The following TEX2 variants were observed in gnomAD, a reference collection of about 807,000 sequenced individuals.
The protein encoded by TEX2 is testis expressed 2, also known as testis-expressed protein 2.
Under a neutral mutation model 106.9 loss-of-function variants are expected in TEX2, and 53 were observed. The ratio of observed to expected loss-of-function variants is 0.50; its 90% CI spans 0.40 to 0.62. TEX2 has a LOEUF of 0.62. TEX2 is among the 20% of genes least tolerant of loss of function. TEX2 has a pLI of 0.00. For synonymous variants in TEX2, 523 were observed against 534.8 expected (o/e 0.98, Z 0.30); for missense variants, 1,207 against 1,379.0 (o/e 0.88, Z 1.98).
In TEX2 at chr17:64,153,228, G is replaced by T; in HGVS notation, c.2931-74C>A. 9.7e-7 allele frequency: 1 copy of T among 1,034,528 alleles called. No individual in the cohort carries two copies. The highest frequency in any genetic ancestry group is 1.5e-6 in the Non-Finnish European group (1 of 689,640). The allele number at this position is 1,034,528 out of a possible 1,614,324, so 64.1% of individuals were successfully genotyped here. A position where few individuals can be genotyped will look rare whatever the true frequency, so the allele number is the denominator to read the frequency against. On this transcript the variant is annotated intron_variant, in intron 9 of 11. Coordinates refer to ENST00000584379, the MANE Select transcript of TEX2 (RefSeq NM_001288732.2). The surrounding 1 kb of genome is among the most constrained non-coding windows in gnomAD (Gnocchi z 4.1). ...CACAGACAAAAACCTGTGGCTCTTC[G>T]TTCCCCTTACTTTAGAGCACCACTC...
chr17:64,159,497 A>G (rs931678030), intron 8 of TEX2, among the ~76,000 whole-genome samples: 3 of 152,144 alleles, frequency 2.0e-5, no homozygotes, highest in Admixed American at 1.3e-4. Flanking sequence ...GAAGTCTATA[A>G]GACTTTCCCT....
chr17:64,155,033 A>G (rs2030552864), intron 8 of TEX2, 66 bp from the exon 9 acceptor site: 1 of 1,481,602 alleles, frequency 6.7e-7, no homozygotes, highest in Non-Finnish European at 8.9e-7. Context: ...AAGAGAACAC[A>G]CACACCCATG....
chr17:64,161,307 T>C (rs2030873944), intron 7 of TEX2, among the ~76,000 whole-genome samples: 1 of 152,338 alleles, frequency 6.6e-6, no homozygotes, highest in Non-Finnish European at 1.5e-5. Context: ...GGACAAGGCA[T>C]GCTGATGCCC....
At chr17:64,159,295 A>T (rs1422241161) in intron 8 of TEX2, among the ~76,000 whole-genome samples, 1 of 151,912 alleles carries the variant, frequency 6.6e-6, no homozygotes, top group Non-Finnish European at 1.5e-5. Context: ...GCTCTGCCAC[A>T]CTCCCTTTTT....
intron 1 of TEX2, chr17:64,239,315 A>C (rs1264984105): frequency 6.6e-6 from 1 of 152,220 alleles, no homozygotes; most frequent in Non-Finnish European, 1.5e-5. Context: ...TAATTTTTAA[A>C]GAGCTGTCTT....
chr17:64,170,620 A>ATCTTTT (rs1567914483), intron 7 of TEX2, among the ~76,000 whole-genome samples: 1 of 56,548 alleles, frequency 1.8e-5, no homozygotes, highest in Non-Finnish European at 3.7e-5. Flanking sequence ...TCTATTCCAA[A>ATCTTTT]TCTTTTTTTT....
At chr17:64,243,733 G>A (rs1418199964) in intron 1 of TEX2, among the ~76,000 whole-genome samples, 2 of 152,128 alleles carry the variant, frequency 1.3e-5, no homozygotes, top group African/African-American at 2.4e-5. Context: ...GTACATGTGC[G>A]GATTTCTGCG....
intron 1 of TEX2, among the ~76,000 whole-genome samples, chr17:64,231,136 G>A (rs2033645227): frequency 6.6e-6 from 1 of 152,200 alleles, no homozygotes; most frequent in Non-Finnish European, 1.5e-5. Context: ...CAGAGGACAG[G>A]CATCAACTTG....
At position 64,153,185 on chromosome 17, in the gene TEX2, C is replaced by T. The variant is rs532481662; in HGVS notation, c.2931-31G>A. ...AATGTGGAACACAAAGGGCGGTTAGCACAAACTTTGCTCTTTTCACAGACA... is the reference window on the plus strand; with the variant it reads ...AATGTGGAACACAAAGGGCGGTTAGTACAAACTTTGCTCTTTTCACAGACA... On this transcript the variant is annotated intron_variant, in intron 9 of 11. Coordinates refer to ENST00000584379, the MANE Select transcript of TEX2 (RefSeq NM_001288732.2). The surrounding 1 kb of genome is among the most constrained non-coding windows in gnomAD (Gnocchi z 4.1). The T allele has an allele frequency of 1.2e-4, 182 of 1,538,420 alleles. 2 individuals are homozygous for T. In the South Asian group the frequency reaches 1.9e-3, roughly 16 times the overall value.
intron 7 of TEX2, among the ~76,000 whole-genome samples, chr17:64,169,793 C>T (rs12944418): frequency 1.3e-5 from 2 of 152,202 alleles, no homozygotes; most frequent in Non-Finnish European, 2.9e-5. Flanking sequence ...AAAACATTTA[C>T]TTTAAAACAA....
intron 7 of TEX2, among the ~76,000 whole-genome samples, chr17:64,165,204 T>A (rs908051159): frequency 3.3e-5 from 5 of 152,246 alleles, no homozygotes; most frequent in African/African-American, 4.8e-5. Context: ...CACCAGTGAC[T>A]GTTGTGCTCC....
At position 64,262,800 on chromosome 17, in the gene TEX2, G is replaced by A. The variant is rs550955680; in HGVS notation, c.-26+368C>T. Among the ~76,000 whole-genome samples, 4 of 152,330 alleles carry A rather than the reference G, an allele frequency of 2.6e-5. No individual in the cohort carries two copies. In the South Asian group the frequency reaches 6.2e-4, roughly 24 times the overall value. The stretch of plus-strand genomic sequence containing the variant: ...TTTCGCGTCGCCGGTGAGGGGGGCG[G>A]CAGGAACCCGGGGCCCCATTCATAA... On this transcript the variant is annotated intron_variant, in intron 1 of 11. Transcript: ENST00000584379.
In TEX2 at chr17:64,171,113, G is replaced by C. The variant is rs751559038; in HGVS notation, c.2658C>G (p.Tyr886Ter). 3 of 1,613,954 alleles carry C rather than the reference G, an allele frequency of 1.9e-6. No individual in the cohort carries two copies. The highest frequency in any genetic ancestry group is 1.7e-5 in the Admixed American group (1 of 60,030). ...GTTAGGAGTTACCTTGGTGATCAAC[G>C]TAAGGCTTGAAGGCCTGGAGGATTT... ...VPKILQAFKP[Y>*]VDHQGLWIDL... The change falls in exon 7 of 12, where the codon TAC becomes TAG. Residue 886 changes from tyrosine to a stop codon, truncating the protein, a stop_gained. Coordinates refer to ENST00000584379, the MANE Select transcript of TEX2 (RefSeq NM_001288732.2). LOFTEE classifies it high-confidence loss of function.
At chr17:64,257,053 T>A (rs1455936718) in intron 1 of TEX2, among the ~76,000 whole-genome samples, 1 of 152,228 alleles carries the variant, frequency 6.6e-6, no homozygotes, top group Non-Finnish European at 1.5e-5. Flanking sequence ...AGATCCTAAA[T>A]AAGCTTATGA....
At chr17:64,221,370 T>C (rs576316702) in intron 1 of TEX2, among the ~76,000 whole-genome samples, 77 of 152,188 alleles carry the variant, frequency 5.1e-4, no homozygotes, top group African/African-American at 1.9e-3. Context: ...AATTACATTT[T>C]TAAAAAAATG....
At chr17:64,238,214 C>T (rs1555635347) in intron 1 of TEX2, among the ~76,000 whole-genome samples, 1 of 152,068 alleles carries the variant, frequency 6.6e-6, no homozygotes, top group African/African-American at 2.4e-5. Context: ...GCAAGAGAAT[C>T]GCTTGACCCT....
At chr17:64,234,958 G>A (rs782183403) in intron 1 of TEX2, among the ~76,000 whole-genome samples, 16 of 151,680 alleles carry the variant, frequency 1.1e-4, no homozygotes, top group Admixed American at 5.3e-4. Context: ...ACACCTTTAG[G>A]TACTGGGCAG....
chr17:64,213,933 T>G lies in TEX2; in HGVS notation c.285A>C (p.Ala95=). ...GGGCCTGGGACACGGACAGTCCATC[T>G]GCCAGGACAGGCGAGGCAGCAGGGC... ...PAGPAASPVL[A]DGLSVSQAPA... is the part of the protein sequence containing the mutation. The change falls in exon 2 of 12, where the codon GCA becomes GCC. Residue 95 remains alanine, a synonymous_variant. Coordinates refer to ENST00000584379, the MANE Select transcript of TEX2 (RefSeq NM_001288732.2). This position sits in a 1 kb window ranked among gnomAD's most constrained non-coding sequence, Gnocchi z 4.4. The G allele has an allele frequency of 6.2e-7, 1 of 1,614,236 alleles. No individual in the cohort carries two copies. The highest frequency in any genetic ancestry group is 8.5e-7 in the Non-Finnish European group (1 of 1,180,032).
At position 64,153,253 on chromosome 17, in the gene TEX2, C is replaced by T. The variant is rs894616914; in HGVS notation, c.2931-99G>A. On this transcript the variant is annotated intron_variant, in intron 9 of 11. Transcript: ENST00000584379. This position sits in a 1 kb window ranked among gnomAD's most constrained non-coding sequence, Gnocchi z 4.1. ...GTTCCCCTTACTTTAGAGCACCACT[C>T]GATGTTTTGGATGTGGTGATTCTGT... The T allele has an allele frequency of 6.1e-6, 5 of 814,862 alleles. No individual in the cohort carries two copies. The highest frequency in any genetic ancestry group is 2.5e-5 in the Admixed American group (1 of 40,352). The allele number at this position is 814,862 out of a possible 1,614,324, so 50.5% of individuals were successfully genotyped here. A position where few individuals can be genotyped will look rare whatever the true frequency, so the allele number is the denominator to read the frequency against.
Sources: gnomAD v4.1 joint callset for allele counts (sites outside exome capture counted in the v4.1 genomes callset) on GRCh38, gnomAD v4.1.1 for gene constraint, Gnocchi (gnomAD v3.1) non-coding constraint, MANE v1.5 for transcripts, NCBI Gene and HGNC (gene_info 2026-07-23, HGNC 2026-07-21) for gene names.